DPY19L3: variants seen among roughly 807,000 people sequenced by gnomAD.
DPY19L3 encodes the protein protein C-mannosyl-transferase DPY19L3.
A neutral mutation model predicts 92.3 loss-of-function variants in DPY19L3; 51 were observed. That is an observed-to-expected ratio of 0.55 (90% CI 0.44 to 0.70). The LOEUF is 0.70. DPY19L3 is among the 30% of genes least tolerant of loss of function. The pLI is 0.00. For synonymous variants in DPY19L3, 309 were observed against 315.2 expected (o/e 0.98, Z 0.21); for missense variants, 706 against 855.9 (o/e 0.82, Z 2.18).
chr19:32,432,114 A>G (rs1038270831), intron 3 of DPY19L3, among the ~76,000 whole-genome samples: 1 of 152,208 alleles, frequency 6.6e-6, no homozygotes. Context: ...CTTCTGTTTT[A>G]TAGTAATAAT....
intron 7 of DPY19L3, among the ~76,000 whole-genome samples, chr19:32,439,522 C>T (rs1336791226): frequency 6.6e-6 from 1 of 152,186 alleles, no homozygotes; most frequent in Non-Finnish European, 1.5e-5. Flanking sequence ...TAAGCCCTTG[C>T]TCTTGAGATG....
chr19:32,445,055 A>G lies in DPY19L3; in HGVS notation c.855+5145A>G, dbSNP rs147160937. Among the ~76,000 whole-genome samples the G allele has an allele frequency of 5.3e-5, 8 of 150,912 alleles. No individual in the cohort carries two copies. In the East Asian group the frequency reaches 1.6e-3, roughly 29 times the overall value. ...TGCACCACTGCATTCTAACCTGGGCAACAGAGCAAGACCCAGTCTCAAAAA... is the reference window on the plus strand; with the variant it reads ...TGCACCACTGCATTCTAACCTGGGCGACAGAGCAAGACCCAGTCTCAAAAA... On this transcript the variant is annotated intron_variant, in intron 8 of 18. Transcript: ENST00000392250.
At chr19:32,424,878 A>G (rs1236793132) in intron 3 of DPY19L3, among the ~76,000 whole-genome samples, 1 of 152,202 alleles carries the variant, frequency 6.6e-6, no homozygotes, top group African/African-American at 2.4e-5. Flanking sequence ...TGGCATAAGG[A>G]TAGACATATA....
intron 10 of DPY19L3, among the ~76,000 whole-genome samples, chr19:32,457,139 G>T (rs761128355): frequency 1.3e-5 from 2 of 152,128 alleles, no homozygotes; most frequent in African/African-American, 4.8e-5. Context: ...TGCATCCCTG[G>T]ACCACCATTT....
intron 8 of DPY19L3, among the ~76,000 whole-genome samples, chr19:32,441,494 C>CTTTTTTTTTTT (rs11326098): frequency 3.1e-5 from 4 of 130,212 alleles, no homozygotes; most frequent in African/African-American, 6.0e-5. Flanking sequence ...ACATGTGTCT[C>CTTTTTTTTTTT]TTTTTTTTTT....
At chr19:32,479,543 C>T (rs1970610551) in intron 17 of DPY19L3, 1 of 395,472 alleles carries the variant, frequency 2.5e-6, no homozygotes, top group Non-Finnish European at 5.0e-6. Flanking sequence ...CAGCATCCTA[C>T]CTCCCTACCA....
chr19:32,457,030 A>C (rs1969887834), intron 10 of DPY19L3, among the ~76,000 whole-genome samples: 1 of 152,162 alleles, frequency 6.6e-6, no homozygotes. Flanking sequence ...TGAGTGGAGC[A>C]GCCAACATTT....
intron 3 of DPY19L3, among the ~76,000 whole-genome samples, chr19:32,431,046 T>C (rs890087846): frequency 6.6e-6 from 1 of 152,196 alleles, no homozygotes; most frequent in Non-Finnish European, 1.5e-5. Context: ...TATTTATCAC[T>C]TTCCCCCATT....
chr19:32,414,405 ACT>A (rs949793406), intron 3 of DPY19L3, among the ~76,000 whole-genome samples: 9 of 134,482 alleles, frequency 6.7e-5, no homozygotes, highest in South Asian at 4.9e-4. Context: ...TGGGTGACAG[ACT>A]CTGTCTCCAA....
At chr19:32,414,210 G>A (rs1968298853) in intron 3 of DPY19L3, among the ~76,000 whole-genome samples, 1 of 152,036 alleles carries the variant, frequency 6.6e-6, no homozygotes, top group Admixed American at 6.6e-5. Context: ...CACGAGGTTA[G>A]GAAATTGAGA....
chr19:32,431,684 T>C (rs10407903), intron 3 of DPY19L3, among the ~76,000 whole-genome samples: 134,851 of 152,134 alleles, frequency 0.89, 60,034 homozygotes, highest in African/African-American at 0.97. Flanking sequence ...GCACATAGCC[T>C]GAAGGTGATT....
At chr19:32,426,249 A>G (rs1354958240) in intron 3 of DPY19L3, among the ~76,000 whole-genome samples, 1 of 152,200 alleles carries the variant, frequency 6.6e-6, no homozygotes. Flanking sequence ...CTTGCTCTGG[A>G]TTAGGCGTTG....
chr19:32,465,026 T>G (rs565717339), intron 15 of DPY19L3, among the ~76,000 whole-genome samples: 1 of 152,208 alleles, frequency 6.6e-6, no homozygotes, highest in Non-Finnish European at 1.5e-5. Flanking sequence ...TAATTTTGAT[T>G]TAGACTCTTA....
intron 2 of DPY19L3, among the ~76,000 whole-genome samples, chr19:32,408,624 G>A (rs938636359): frequency 6.6e-5 from 10 of 151,988 alleles, no homozygotes; most frequent in African/African-American, 2.4e-4. Context: ...TAGAGTAATG[G>A]TCCCCCCACC....
chr19:32,473,858 C>T (rs1029115488), intron 16 of DPY19L3, among the ~76,000 whole-genome samples: 3 of 152,200 alleles, frequency 2.0e-5, no homozygotes, highest in African/African-American at 7.2e-5. Flanking sequence ...GGCTGTAGTG[C>T]AGTGGCGTGA....
intron 8 of DPY19L3, among the ~76,000 whole-genome samples, chr19:32,450,682 A>G (rs2145552851): frequency 6.6e-6 from 1 of 152,308 alleles, no homozygotes; most frequent in African/African-American, 2.4e-5. Context: ...AGAGAACAGT[A>G]CATCAGTGGT....
intron 8 of DPY19L3, among the ~76,000 whole-genome samples, chr19:32,446,965 AAAC>A (rs1969520523): frequency 6.6e-6 from 1 of 152,340 alleles, no homozygotes; most frequent in East Asian, 1.9e-4. Context: ...CCGAGCCATA[AAAC>A]AACGACAAAC....
At chr19:32,479,546 C>G (rs1376473781) in intron 17 of DPY19L3, 2 of 399,770 alleles carry the variant, frequency 5.0e-6, no homozygotes, top group Non-Finnish European at 9.9e-6. Flanking sequence ...CATCCTACCT[C>G]CCTACCATTT....
intron 3 of DPY19L3, among the ~76,000 whole-genome samples, chr19:32,422,677 T>A (rs1483674828): frequency 6.8e-6 from 1 of 146,300 alleles, no homozygotes; most frequent in Admixed American, 6.8e-5. Context: ...AAGATGTAAT[T>A]CAAGGAAACT....
Sources: allele counts gnomAD v4.1 joint callset (sites outside exome capture counted in the v4.1 genomes callset), GRCh38; gene constraint gnomAD v4.1.1; transcripts MANE v1.5; gene names NCBI Gene and HGNC (gene_info 2026-07-23, HGNC 2026-07-21).